The following STK10 variants were observed in gnomAD, a reference collection of about 807,000 sequenced individuals.
STK10 encodes the protein serine/threonine kinase 10, also known as serine/threonine-protein kinase 10.
Under a neutral mutation model 113.8 loss-of-function variants are expected in STK10, and 78 were observed. The ratio of observed to expected loss-of-function variants is 0.69; its 90% CI spans 0.57 to 0.83. The LOEUF (loss-of-function observed/expected upper bound fraction) is 0.83, where lower values mean the gene tolerates loss of function less well. Among genes scored for constraint, STK10 ranks in the 40% least tolerant of loss-of-function variants. The probability of loss-of-function intolerance (pLI) is 0.00; values close to 1 mark genes in which losing one functional copy is unlikely to be tolerated. For missense variants in STK10, 1,109 were observed against 1,280.1 expected (o/e 0.87, Z 2.04); for synonymous variants, 465 against 494.7 (o/e 0.94, Z 0.80).
intron 12 of STK10, among the ~76,000 whole-genome samples, chr5:172,075,628 C>T (rs775292396): frequency 6.6e-6 from 1 of 151,948 alleles, no homozygotes; most frequent in Non-Finnish European, 1.5e-5. Flanking sequence ...TGCAGTGAGC[C>T]GAGATCGTGC....
Position 172,180,333 on chromosome 5 carries a change from C to T in STK10, c.156+7554G>A, listed in dbSNP as rs975097160. On this transcript the variant is annotated intron_variant, in intron 1 of 18. Coordinates refer to ENST00000176763, the MANE Select transcript of STK10 (RefSeq NM_005990.4). ...TACAAAAATTAGCTGGGCATGGTGGCGGGCGCCTGTAATCCCAGCTACTTG... is the reference window on the plus strand; with the variant it reads ...TACAAAAATTAGCTGGGCATGGTGGTGGGCGCCTGTAATCCCAGCTACTTG... 5.3e-5 allele frequency among the ~76,000 whole-genome samples: 8 copies of T among 151,712 alleles called. No homozygotes were observed. In the East Asian group the frequency reaches 1.6e-3, roughly 30 times the overall value.
intron 18 of STK10, among the ~76,000 whole-genome samples, chr5:172,051,250 A>G (rs1581129985): frequency 6.6e-6 from 1 of 152,196 alleles, no homozygotes; most frequent in Admixed American, 6.5e-5. Context: ...AAAAAAAATT[A>G]TATCTCCACC....
In STK10 at chr5:172,057,526, C is replaced by A. The variant is rs989326323; in HGVS notation, c.2213-53G>T. The stretch of plus-strand genomic sequence containing the variant: ...GAGGTGCTGACAACCAGAGACTCGA[C>A]AGGCCCCCTGCCCCCCACCTCTGCC... On this transcript the variant is annotated intron_variant, in intron 14 of 18. Coordinates refer to ENST00000176763, the MANE Select transcript of STK10 (RefSeq NM_005990.4). The A allele has an allele frequency of 8.5e-6, 13 of 1,526,902 alleles. No homozygotes were observed. The Admixed American group carries it at 2.0e-4, about 23-fold the overall frequency. The allele number at this position is 1,526,902 out of a possible 1,614,324, so 94.6% of individuals were successfully genotyped here.
chr5:172,151,955 C>G (rs555121291), intron 2 of STK10, among the ~76,000 whole-genome samples: 74 of 152,370 alleles, frequency 4.9e-4, no homozygotes, highest in African/African-American at 1.8e-3. Flanking sequence ...ATTCCCTCTA[C>G]CTGGCACTTT....
chr5:172,076,639 G>T (rs73319861), intron 12 of STK10, among the ~76,000 whole-genome samples: 2 of 152,108 alleles, frequency 1.3e-5, no homozygotes, highest in Non-Finnish European at 2.9e-5. Flanking sequence ...TGGCCCCCAC[G>T]GAACAAAATA....
In STK10 at chr5:172,138,026, C is replaced by T. The variant is rs144076371; in HGVS notation, c.322-10605G>A. On this transcript the variant is annotated intron_variant, in intron 2 of 18. Coordinates refer to ENST00000176763, the MANE Select transcript of STK10 (RefSeq NM_005990.4). ...AAGGCAAAAATGCCCACGCTCACCA[C>T]TCCTATACAACATAGCACTGAGAGT... Among the ~76,000 whole-genome samples the T allele has an allele frequency of 6.3e-3, 953 of 152,256 alleles. 15 individuals are homozygous for T. The highest frequency in any genetic ancestry group is 0.022 in the African/African-American group (903 of 41,544).
At chr5:172,150,502 AAAG>A (rs1444112950) in intron 2 of STK10, among the ~76,000 whole-genome samples, 1 of 151,532 alleles carries the variant, frequency 6.6e-6, no homozygotes, top group South Asian at 2.1e-4. Flanking sequence ...AAAAAGAAAG[AAAG>A]AAGAACTCAG....
rs1367432666 is a variant in STK10, at chr5:172,045,147, A to T, written c.2767-125T>A. Reference sequence around the variant, plus strand: ...ATTCCCTTCCAGGCCTCAGTGCTTGAGAAACTACGGCTTCCCTATTTCCTA... The same window carrying T: ...ATTCCCTTCCAGGCCTCAGTGCTTGTGAAACTACGGCTTCCCTATTTCCTA... On this transcript the variant is annotated intron_variant, in intron 18 of 18. Coordinates refer to ENST00000176763, the MANE Select transcript of STK10 (RefSeq NM_005990.4). The T allele has an allele frequency of 6.4e-6, 9 of 1,400,466 alleles. No individual in the cohort carries two copies. The Admixed American group carries it at 6.5e-5, about 10-fold the overall frequency. The allele number at this position is 1,400,466 out of a possible 1,614,324, so 86.8% of individuals were successfully genotyped here.
chr5:172,120,772 G>A lies in STK10; in HGVS notation c.371-3142C>T, dbSNP rs147980852. 2.5e-4 allele frequency among the ~76,000 whole-genome samples: 38 copies of A among 152,272 alleles called. No homozygotes were observed. Among genetic ancestry groups the A allele is most frequent in the Admixed American group, 1.0e-3 (16 of 15,290 alleles). ...TGAGTCCAGGGCTGGAATATGTGCC[G>A]CAATCTTTTTAATGGCAAAAATGTG... On this transcript the variant is annotated intron_variant, in intron 3 of 18. Transcript: ENST00000176763. This position sits in a 1 kb window ranked among gnomAD's most constrained non-coding sequence, Gnocchi z 4.0.
chr5:172,185,785 T>C lies in STK10; in HGVS notation c.156+2102A>G, dbSNP rs565969695. On this transcript the variant is annotated intron_variant, in intron 1 of 18. Coordinates refer to ENST00000176763, the MANE Select transcript of STK10 (RefSeq NM_005990.4). ...TTCTCTGGTGCCACCAGGAAGAAGA[T>C]GCAGCTCTGAGGAGAGTAAAGAAAA... 3.3e-5 allele frequency among the ~76,000 whole-genome samples: 5 copies of C among 152,314 alleles called. No homozygotes were observed. The East Asian group carries it at 9.7e-4, about 29-fold the overall frequency.
chr5:172,078,503 T>A (rs979801663), intron 12 of STK10, among the ~76,000 whole-genome samples: 55 of 150,892 alleles, frequency 3.6e-4, no homozygotes, highest in Middle Eastern at 3.4e-3. Flanking sequence ...AAAATTTTTT[T>A]AAAAAATTAG....
intron 2 of STK10, among the ~76,000 whole-genome samples, chr5:172,136,074 GA>G (rs879633541): frequency 7.3e-5 from 11 of 149,790 alleles, no homozygotes; most frequent in African/African-American, 9.8e-5. Context: ...AAGAAAAAAA[GA>G]AAAAAAAACC....
chr5:172,106,179 G>A (rs1403479887), intron 6 of STK10, among the ~76,000 whole-genome samples: 3 of 151,910 alleles, frequency 2.0e-5, no homozygotes, highest in African/African-American at 7.3e-5. Flanking sequence ...GGGAGGCCGA[G>A]GCAGACGGAT....
intron 6 of STK10, among the ~76,000 whole-genome samples, chr5:172,106,415 AAAAG>A (rs1278676771): frequency 2.7e-5 from 4 of 145,770 alleles, no homozygotes; most frequent in Admixed American, 1.4e-4. Flanking sequence ...AAAAAAAAAA[AAAAG>A]GAACACAAAG....
chr5:172,045,693 A>AT (rs1304230374), intron 18 of STK10, among the ~76,000 whole-genome samples: 1 of 151,684 alleles, frequency 6.6e-6, no homozygotes, highest in African/African-American at 2.4e-5. Context: ...TACCAGAAAT[A>AT]TTTTTCTTTT....
chr5:172,043,099 T>TC lies in STK10; in HGVS notation c.*1782_*1783insG, dbSNP rs1431721039. 3 of 151,678 alleles carry TC rather than the reference T, an allele frequency of 2.0e-5. No individual in the cohort carries two copies. The highest frequency in any genetic ancestry group is 7.3e-5 in the African/African-American group (3 of 41,322). 9.4% of individuals were successfully genotyped at this position (151,678 alleles called of 1,614,324 possible). A position where few individuals can be genotyped will look rare whatever the true frequency, so the allele number is the denominator to read the frequency against. ...GACCCTGTCTCAAAGAATTTTTTTT[T>TC]TTTTTTTTTTTGAGAGACAGAGTCT... On this transcript the variant is annotated 3_prime_UTR_variant, in exon 19 of 19. Coordinates refer to ENST00000176763, the MANE Select transcript of STK10 (RefSeq NM_005990.4).
rs150456893 is a variant in STK10, at chr5:172,143,926, T to C, written c.321+12698A>G. On this transcript the variant is annotated intron_variant, in intron 2 of 18. Coordinates refer to ENST00000176763, the MANE Select transcript of STK10 (RefSeq NM_005990.4). Reference sequence around the variant, plus strand: ...AATCAGGGGCAGAACAGCCAAAAGATGGCTAACAGAGATGACAGCCAGATT... The same window carrying C: ...AATCAGGGGCAGAACAGCCAAAAGACGGCTAACAGAGATGACAGCCAGATT... 2.8e-3 allele frequency among the ~76,000 whole-genome samples: 419 copies of C among 152,254 alleles called. 1 individual carries two copies. Among genetic ancestry groups the C allele is most frequent in the Middle Eastern group, 0.014 (4 of 294 alleles).
chr5:172,122,011 G>T (rs908025831), intron 3 of STK10, among the ~76,000 whole-genome samples: 6 of 151,870 alleles, frequency 4.0e-5, no homozygotes, highest in Admixed American at 3.9e-4. Context: ...GGGATTATGG[G>T]CACCTGCCAC....
rs1348195779 is a variant in STK10, at chr5:172,187,310, C to T, written c.156+577G>A. On this transcript the variant is annotated intron_variant, in intron 1 of 18. Coordinates refer to ENST00000176763, the MANE Select transcript of STK10 (RefSeq NM_005990.4). The surrounding 1 kb of genome is among the most constrained non-coding windows in gnomAD (Gnocchi z 4.6). Reference sequence around the variant, plus strand: ...GCATTCACCAGATCCTGACCTCCCCCTCTGACCAGCCCCAACCCACCTTTC... The same window carrying T: ...GCATTCACCAGATCCTGACCTCCCCTTCTGACCAGCCCCAACCCACCTTTC... Among the ~76,000 whole-genome samples the T allele has an allele frequency of 6.6e-6, 1 of 152,164 alleles. No individual in the cohort carries two copies. Among genetic ancestry groups the T allele is most frequent in the South Asian group, 2.1e-4 (1 of 4,826 alleles).
Sources: gnomAD v4.1 joint callset for allele counts (sites outside exome capture counted in the v4.1 genomes callset) on GRCh38, gnomAD v4.1.1 for gene constraint, Gnocchi (gnomAD v3.1) non-coding constraint, MANE v1.5 for transcripts, NCBI Gene and HGNC (gene_info 2026-07-23, HGNC 2026-07-21) for gene names.